BLTP1: variants seen among roughly 807,000 people sequenced by gnomAD.
BLTP1 encodes fragile site-associated protein.
the BLTP1 span, chr4:122,349,699 C>T: frequency 6.5e-7 from 1 of 1,545,170 alleles, no homozygotes; most frequent in Non-Finnish European, 8.8e-7. The surrounding 1 kb of genome is among the most constrained non-coding windows in gnomAD (Gnocchi z 4.5). Flanking sequence ...AACATATTGT[C>T]TATCATCTGG....
At chr4:122,318,106 T>C in the BLTP1 span, 28 of 1,572,526 alleles carry the variant, frequency 1.8e-5, no homozygotes, top group Admixed American at 4.0e-5. Flanking sequence ...TCTTACTTTG[T>C]TATTTATTTA....
At chr4:122,338,329 G>A in the BLTP1 span, among the ~76,000 whole-genome samples, 1 of 151,690 alleles carries the variant, frequency 6.6e-6, no homozygotes, top group African/African-American at 2.4e-5. Flanking sequence ...TAAAATTAGC[G>A]AGGCGTGATT....
the BLTP1 span, among the ~76,000 whole-genome samples, chr4:122,262,148 T>TTGTGTGTGTGTG: frequency 0.066 from 8,796 of 133,308 alleles, 438 homozygotes; most frequent in South Asian, 0.12. Context: ...TACAGATCCT[T>TTGTGTGTGTGTG]TGTGTGTGTG....
At chr4:122,152,901 C>T in the BLTP1 span, 6 of 727,622 alleles carry the variant, frequency 8.2e-6, no homozygotes, top group South Asian at 6.2e-5. Flanking sequence ...ACCGTGCACC[C>T]GCAGGCTCGG....
chr4:122,238,196 C>T, the BLTP1 span: 1 of 1,614,010 alleles, frequency 6.2e-7, no homozygotes, highest in Non-Finnish European at 8.5e-7. Flanking sequence ...ATTACGATCT[C>T]ATAGTTCATC....
chr4:122,170,647 A>T, the BLTP1 span: 2 of 1,565,294 alleles, frequency 1.3e-6, no homozygotes, highest in African/African-American at 1.4e-5. Context: ...AAACTTTAGT[A>T]ATGGATCAAA....
chr4:122,276,925 C>T, the BLTP1 span: 1 of 985,288 alleles, frequency 1.0e-6, no homozygotes, highest in Non-Finnish European at 1.2e-6. Flanking sequence ...TGAACTGGTT[C>T]TTCATATCTT....
chr4:122,316,425 C>T, the BLTP1 span: 14 of 479,500 alleles, frequency 2.9e-5, no homozygotes, highest in African/African-American at 2.6e-4. Context: ...ACCTACTAGG[C>T]CTGACACCCC....
chr4:122,356,040 C>A, the BLTP1 span: 2 of 1,357,858 alleles, frequency 1.5e-6, no homozygotes, highest in Admixed American at 3.9e-5. Flanking sequence ...AAAGGCACTT[C>A]AAACTACTGC....
At chr4:122,316,860 GAAGT>G in the BLTP1 span, 2 of 1,573,936 alleles carry the variant, frequency 1.3e-6, no homozygotes, top group Non-Finnish European at 1.7e-6. Flanking sequence ...TAGATGATCT[GAAGT>G]ATGTACAATG....
At chr4:122,291,645 A>T in the BLTP1 span, 1 of 711,604 alleles carries the variant, frequency 1.4e-6, no homozygotes, top group Non-Finnish European at 1.7e-6. Context: ...AGATGTAAGT[A>T]AGCACTGATC....
the BLTP1 span, among the ~76,000 whole-genome samples, chr4:122,215,795 C>G: frequency 6.6e-6 from 1 of 152,068 alleles, no homozygotes; most frequent in East Asian, 1.9e-4. Flanking sequence ...GTCACCTGAG[C>G]AGTGTACACT....
At chr4:122,201,977 T>G in the BLTP1 span, 4 of 559,680 alleles carry the variant, frequency 7.1e-6, no homozygotes, top group Non-Finnish European at 9.1e-6. Flanking sequence ...GTTGTGTAAA[T>G]GATTTCACTG....
At chr4:122,152,880 C>T in the BLTP1 span, 9 of 537,638 alleles carry the variant, frequency 1.7e-5, no homozygotes, top group East Asian at 1.1e-3. Context: ...TGTGTGGACT[C>T]GGCAGGAAGG....
the BLTP1 span, chr4:122,328,385 TGTA>T: frequency 2.9e-5 from 46 of 1,575,836 alleles, no homozygotes; most frequent in Non-Finnish European, 3.7e-5. Context: ...AAGATCATAA[TGTA>T]GTATTTCAGA....
chr4:122,179,493 C>A, the BLTP1 span, among the ~76,000 whole-genome samples: 3 of 152,110 alleles, frequency 2.0e-5, no homozygotes, highest in Non-Finnish European at 2.9e-5. Flanking sequence ...GTATTTTCTT[C>A]AAGGCTTCTG....
At chr4:122,304,697 CACGACT>C in the BLTP1 span, 2 of 1,494,370 alleles carry the variant, frequency 1.3e-6, no homozygotes, top group Admixed American at 4.5e-5. Flanking sequence ...TGGTTTAAAA[CACGACT>C]ATTTTATTTA....
chr4:122,274,072 C>G, the BLTP1 span, among the ~76,000 whole-genome samples: 3 of 151,808 alleles, frequency 2.0e-5, no homozygotes, highest in Non-Finnish European at 4.4e-5. Context: ...CTATGTAATG[C>G]CAGTAGACTA....
chr4:122,238,982 C>A, the BLTP1 span, among the ~76,000 whole-genome samples: 1 of 152,128 alleles, frequency 6.6e-6, no homozygotes, highest in Non-Finnish European at 1.5e-5. Context: ...TTCCTAAGGC[C>A]TAGCTACCTT....
Sources: allele counts gnomAD v4.1 joint callset (sites outside exome capture counted in the v4.1 genomes callset), GRCh38; gene constraint gnomAD v4.1.1; non-coding constraint Gnocchi (gnomAD v3.1); transcripts MANE v1.5; gene names NCBI Gene and HGNC (gene_info 2026-07-23, HGNC 2026-07-21).